The following MME variants were observed in gnomAD, a reference collection of about 807,000 sequenced individuals.
The protein encoded by MME is membrane metalloendopeptidase.
A neutral mutation model predicts 113.2 loss-of-function variants in MME; 98 were observed. The observed-to-expected ratio is 0.87, with a 90% CI of 0.74 to 1.02. MME has a LOEUF of 1.02. Among genes scored for constraint, MME ranks in the 50% least tolerant of loss-of-function variants. MME has a pLI of 0.00. For synonymous variants in MME, 292 were observed against 300.6 expected (o/e 0.97, Z 0.30); for missense variants, 836 against 896.0 (o/e 0.93, Z 0.86).
intron 18 of MME, among the ~76,000 whole-genome samples, chr3:155,168,255 T>C (rs1482284693): frequency 6.6e-6 from 1 of 152,172 alleles, no homozygotes; most frequent in Non-Finnish European, 1.5e-5. Context: ...TTCTGAGATA[T>C]CAAGAGCCAA....
chr3:155,086,054 G>A (rs1715694464), intron 3 of MME, among the ~76,000 whole-genome samples: 1 of 152,172 alleles, frequency 6.6e-6, no homozygotes, highest in Admixed American at 6.5e-5. Context: ...CAGGCCAAAG[G>A]TGAAAGATGA....
At chr3:155,048,930 T>C (rs1713656471) in intron 1 of MME, among the ~76,000 whole-genome samples, 1 of 152,190 alleles carries the variant, frequency 6.6e-6, no homozygotes, top group African/African-American at 2.4e-5. Context: ...ATCACTGTTA[T>C]TATCTCAAAC....
intron 3 of MME, among the ~76,000 whole-genome samples, chr3:155,097,899 G>A (rs1004713947): frequency 6.6e-6 from 1 of 152,134 alleles, no homozygotes; most frequent in Non-Finnish European, 1.5e-5. Flanking sequence ...AACTTGAAAT[G>A]GCATTAAACC....
At chr3:155,051,436 GA>G (rs1713760081) in intron 1 of MME, among the ~76,000 whole-genome samples, 1 of 152,144 alleles carries the variant, frequency 6.6e-6, no homozygotes, top group South Asian at 2.1e-4. Flanking sequence ...ATTTATAAAG[GA>G]AAGAGGTTTA....
Position 155,180,078 on chromosome 3 carries a change from G to T in MME, c.2154-282G>T, listed in dbSNP as rs73875850. ...TCTCCATGACAACCTTAAGATGCAT[G>T]TTCTATTGTGCAGAAACCAAGGCAC... On this transcript the variant is annotated intron_variant, in intron 22 of 22. Transcript: ENST00000360490. 5.9e-3 allele frequency among the ~76,000 whole-genome samples: 891 copies of T among 152,260 alleles called. 8 individuals carry two copies. The highest frequency in any genetic ancestry group is 0.021 in the African/African-American group (858 of 41,562).
At chr3:155,118,343 A>T (rs1157245419) in intron 7 of MME, among the ~76,000 whole-genome samples, 1 of 152,230 alleles carries the variant, frequency 6.6e-6, no homozygotes, top group Non-Finnish European at 1.5e-5. Flanking sequence ...GTGGAAGCAG[A>T]TGAGAATGTT....
At chr3:155,032,438 T>C (rs564724667) in intron 1 of MME, among the ~76,000 whole-genome samples, 42 of 152,324 alleles carry the variant, frequency 2.8e-4, no homozygotes, top group African/African-American at 1.0e-3. Context: ...ATCCCAAATC[T>C]GCAGTCAGCA....
At chr3:155,122,173 C>A (rs1404956371) in intron 8 of MME, among the ~76,000 whole-genome samples, 1 of 149,196 alleles carries the variant, frequency 6.7e-6, no homozygotes, top group Non-Finnish European at 1.5e-5. Context: ...GGAATTTATC[C>A]ATTTCTTCTA....
At chr3:155,142,421 G>T in intron 12 of MME, 91 bp downstream of exon 12, 1 of 1,084,512 alleles carries the variant, frequency 9.2e-7, no homozygotes, top group South Asian at 1.3e-5. Flanking sequence ...AGGACATGGT[G>T]AACTTTGCAA....
chr3:155,177,594 G>A (rs71310424), intron 22 of MME, among the ~76,000 whole-genome samples: 17,750 of 152,060 alleles, frequency 0.12, 1,427 homozygotes, highest in African/African-American at 0.2. Context: ...TCTAAGATCA[G>A]GGTGCCAGCA....
rs1712024827 is a variant in MME at position 155,172,053 on chromosome 3, AC to A, written c.1981-63del. The A allele has an allele frequency of 2.9e-5, 28 of 951,330 alleles. 1 individual carries two copies. The South Asian group carries it at 3.7e-4, about 13-fold the overall frequency. 58.9% of individuals were successfully genotyped at this position (951,330 alleles called of 1,614,324 possible). A position where few individuals can be genotyped will look rare whatever the true frequency, so the allele number is the denominator to read the frequency against. ...TAATTACTTGGTGGCATGATCTTTTACATAGGTTTATATATAACCTTAGGAA... is the reference window on the plus strand; with the variant it reads ...TAATTACTTGGTGGCATGATCTTTTAATAGGTTTATATATAACCTTAGGAA... On this transcript the variant is annotated intron_variant, in intron 20 of 22. Coordinates refer to ENST00000360490, the MANE Select transcript of MME (RefSeq NM_007289.4).
chr3:155,110,151 G>C lies in MME; in HGVS notation c.197-4843G>C, dbSNP rs556001954. On this transcript the variant is annotated intron_variant, in intron 3 of 22. Coordinates refer to ENST00000360490, the MANE Select transcript of MME (RefSeq NM_007289.4). ...AGACAGGACAAAGGAAGAGTAAAAGGGTACTTGAAAAGGACTGGAAAGGAG... is the reference window on the plus strand; with the variant it reads ...AGACAGGACAAAGGAAGAGTAAAAGCGTACTTGAAAAGGACTGGAAAGGAG... Among the ~76,000 whole-genome samples, 9 of 152,284 alleles carry C rather than the reference G, an allele frequency of 5.9e-5. No homozygotes were observed. The South Asian group carries it at 6.2e-4, about 11-fold the overall frequency.
At chr3:155,098,782 A>C (rs368329875) in intron 3 of MME, among the ~76,000 whole-genome samples, 79 of 152,170 alleles carry the variant, frequency 5.2e-4, no homozygotes, top group African/African-American at 1.8e-3. Flanking sequence ...ACTAATGTGA[A>C]GTGAAGGTGA....
At chr3:155,108,493 G>A (rs1717885194) in intron 3 of MME, among the ~76,000 whole-genome samples, 1 of 152,032 alleles carries the variant, frequency 6.6e-6, no homozygotes, top group Admixed American at 6.6e-5. Context: ...CTACTTGGGA[G>A]GCTGAGGCAG....
chr3:155,158,908 A>T (rs1420458646), intron 16 of MME: 1 of 152,030 alleles, frequency 6.6e-6, no homozygotes, highest in Admixed American at 6.6e-5. Flanking sequence ...TCTCGATTTA[A>T]AACAACAGCA....
chr3:155,155,884 A>G (rs1288668789), intron 16 of MME, among the ~76,000 whole-genome samples: 1 of 152,196 alleles, frequency 6.6e-6, no homozygotes, highest in Admixed American at 6.5e-5. Flanking sequence ...CAAAGACTAA[A>G]AAGATTGTGC....
intron 16 of MME, among the ~76,000 whole-genome samples, chr3:155,152,226 C>A (rs1199976274): frequency 6.6e-6 from 1 of 152,120 alleles, no homozygotes; most frequent in Non-Finnish European, 1.5e-5. Flanking sequence ...ACCCTTTATG[C>A]CCTGGTTCAT....
chr3:155,154,175 G>A (rs1224192628), intron 16 of MME, among the ~76,000 whole-genome samples: 3 of 152,146 alleles, frequency 2.0e-5, no homozygotes, highest in Non-Finnish European at 4.4e-5. Context: ...CCCCTTGGTT[G>A]CTTCAAGCAT....
At chr3:155,138,048 C>G (rs1027068306) in intron 8 of MME, 54 bp from the exon 9 acceptor site, 2 of 1,587,798 alleles carry the variant, frequency 1.3e-6, no homozygotes, top group South Asian at 1.1e-5. Context: ...TTTTAAGTAC[C>G]ATGATGAATA....
Sources: gnomAD v4.1 joint callset for allele counts (sites outside exome capture counted in the v4.1 genomes callset) on GRCh38, gnomAD v4.1.1 for gene constraint, MANE v1.5 for transcripts, NCBI Gene and HGNC (gene_info 2026-07-23, HGNC 2026-07-21) for gene names.